MED14: variants seen among roughly 807,000 people sequenced by gnomAD.
MED14 encodes the protein mediator of RNA polymerase II transcription subunit 14.
A neutral mutation model predicts 109.0 loss-of-function variants in MED14; 8 were observed. The observed-to-expected ratio is 0.07, with a 90% CI of 0.04 to 0.13. MED14 has a LOEUF of 0.13. Ranked by LOEUF, MED14 falls within the 10% of genes least tolerant of loss-of-function variation. MED14 has a pLI of 1.00. For missense variants in MED14, 711 were observed against 1,142.4 expected (o/e 0.62, Z 5.44); for synonymous variants, 399 against 408.7 (o/e 0.98, Z 0.29).
chrX:40,682,565 T>C, intron 18 of MED14, 38 bp downstream of exon 18: 1 of 1,075,002 alleles, frequency 9.3e-7, no homozygotes, highest in Non-Finnish European at 1.2e-6. Context: ...GCTTTTTTTT[T>C]TTAATTTATT....
chrX:40,735,747 G>A (rs1487674707), upstream of MED14: 3 of 401,070 alleles, frequency 7.5e-6, no homozygotes, highest in South Asian at 2.6e-5. Flanking sequence ...GGCGGAAGTC[G>A]ATCGGCAGAG....
rs35345632 is a variant in MED14, at chrX:40,702,346, G to GTTTTTT, written c.1411+1092_1411+1097dup. ...AGAAAAACAGTTAAATATAAGTTTTGTTTTTTTTTTTTTTTTTTGAGACGG... is the reference window on the plus strand; with the variant it reads ...AGAAAAACAGTTAAATATAAGTTTTGTTTTTTTTTTTTTTTTTTTTTTTTGAGACGG... On this transcript the variant is annotated intron_variant, in intron 11 of 30. Coordinates refer to ENST00000324817, the MANE Select transcript of MED14 (RefSeq NM_004229.4). Among the ~76,000 whole-genome samples, 8 of 82,174 alleles carry GTTTTTT rather than the reference G, an allele frequency of 9.7e-5. 1 individual carries two copies. The highest frequency in any genetic ancestry group is 3.0e-4 in the African/African-American group (6 of 20,215). The allele number at this position is 82,174 out of a possible 115,157, so 71.4% of individuals were successfully genotyped here. A position where few individuals can be genotyped will look rare whatever the true frequency, so the allele number is the denominator to read the frequency against.
At chrX:40,714,910 A>C in intron 3 of MED14, 200 bp from the exon 4 acceptor site, 3 of 350,009 alleles carry the variant, frequency 8.6e-6, no homozygotes, top group Non-Finnish European at 9.7e-6. Context: ...AAGAGCAATA[A>C]TTTTCTGTCA....
chrX:40,723,668 A>G (rs1490786393), intron 3 of MED14, among the ~76,000 whole-genome samples: 2 of 21,334 alleles, frequency 9.4e-5, no homozygotes, highest in Non-Finnish European at 1.5e-4. Context: ...TCCGTCTCAG[A>G]AAAAAAAAAA....
chrX:40,707,100 CATAG>C (rs1931174346), intron 10 of MED14, among the ~76,000 whole-genome samples: 1 of 97,948 alleles, frequency 1.0e-5, no homozygotes, highest in South Asian at 4.6e-4. Context: ...AAAATAGATA[CATAG>C]ATGGATAGAT....
intron 23 of MED14, among the ~76,000 whole-genome samples, chrX:40,670,767 CAAAA>C (rs35103655): frequency 1.3e-5 from 1 of 79,194 alleles, no homozygotes. Context: ...GACTCTGTCT[CAAAA>C]AAAAAAAAAA....
chrX:40,677,243 A>C (rs1929938820), intron 21 of MED14, among the ~76,000 whole-genome samples: 1 of 112,339 alleles, frequency 8.9e-6, no homozygotes, highest in Admixed American at 9.4e-5. Flanking sequence ...TCTATGCAGA[A>C]GATTTGGATA....
At chrX:40,688,215 T>C (rs1930365265) in intron 16 of MED14, among the ~76,000 whole-genome samples, 1 of 111,498 alleles carries the variant, frequency 9.0e-6, no homozygotes, top group African/African-American at 3.3e-5. Flanking sequence ...AGCAACAGAA[T>C]GAGACTCTGT....
chrX:40,717,732 A>T, intron 3 of MED14, among the ~76,000 whole-genome samples: 1 of 111,571 alleles, frequency 9.0e-6, no homozygotes, highest in Non-Finnish European at 1.9e-5. Flanking sequence ...CATGCTGGCC[A>T]GGCTAGTCTC....
chrX:40,650,220 C>G lies in MED14; in HGVS notation c.*1586G>C, dbSNP rs1928813051. On this transcript the variant is annotated 3_prime_UTR_variant, in exon 31 of 31. Coordinates refer to ENST00000324817, the MANE Select transcript of MED14 (RefSeq NM_004229.4). Reference sequence around the variant, plus strand: ...AAGGATAAAAGTTTAGTCAACTGCTCCTGAACAGTGGCAGAGTTGGGTGAG... The same window carrying G: ...AAGGATAAAAGTTTAGTCAACTGCTGCTGAACAGTGGCAGAGTTGGGTGAG... 2 of 753,914 alleles carry G rather than the reference C, an allele frequency of 2.7e-6. No homozygotes were observed. The highest frequency in any genetic ancestry group is 1.3e-4 in the South Asian group (2 of 14,822). The allele number at this position is 753,914 out of a possible 1,213,427, so 62.1% of individuals were successfully genotyped here. A position where few individuals can be genotyped will look rare whatever the true frequency, so the allele number is the denominator to read the frequency against.
intron 10 of MED14, among the ~76,000 whole-genome samples, chrX:40,706,794 AACTT>A (rs1452664083): frequency 9.0e-6 from 1 of 111,262 alleles, no homozygotes; most frequent in South Asian, 3.7e-4. Flanking sequence ...TCTGTTTTTT[AACTT>A]ACTAAGTTTT....
intron 30 of MED14, among the ~76,000 whole-genome samples, chrX:40,652,983 A>G (rs1008997756): frequency 2.5e-4 from 27 of 106,046 alleles, no homozygotes; most frequent in African/African-American, 9.6e-4. Context: ...CCAAGGGGGG[A>G]AAAAAATGAA....
chrX:40,665,484 G>C (rs1181519841), intron 24 of MED14, among the ~76,000 whole-genome samples: 1 of 111,416 alleles, frequency 9.0e-6, no homozygotes, highest in Non-Finnish European at 1.9e-5. Context: ...AGTGCACTGA[G>C]ACTGCACCAC....
At chrX:40,677,170 T>C (rs1311602882) in intron 21 of MED14, among the ~76,000 whole-genome samples, 2 of 112,155 alleles carry the variant, frequency 1.8e-5, no homozygotes, top group Non-Finnish European at 3.8e-5. Context: ...AAAGTCTACA[T>C]AAATTTGAGA....
intron 22 of MED14, among the ~76,000 whole-genome samples, chrX:40,674,317 C>G (rs1216076580): frequency 8.9e-6 from 1 of 111,889 alleles, no homozygotes; most frequent in South Asian, 3.8e-4. Flanking sequence ...AATACAGCTT[C>G]CACAAAACCC....
chrX:40,710,541 C>T (rs1254901550), intron 8 of MED14, among the ~76,000 whole-genome samples: 2 of 111,399 alleles, frequency 1.8e-5, no homozygotes, highest in Admixed American at 9.6e-5. Context: ...GGAATTTTCT[C>T]CCAAAGAAAG....
chrX:40,697,808 A>G (rs1017452336), intron 12 of MED14, among the ~76,000 whole-genome samples: 1 of 112,213 alleles, frequency 8.9e-6, no homozygotes, highest in African/African-American at 3.2e-5. Flanking sequence ...TAACGATGCC[A>G]CAACATCCCA....
At chrX:40,655,220 T>C (rs1929013009) in intron 28 of MED14, among the ~76,000 whole-genome samples, 160 bp from the exon 29 acceptor site, 1 of 111,878 alleles carries the variant, frequency 8.9e-6, no homozygotes, top group South Asian at 3.7e-4. Context: ...ATACATGAAG[T>C]TGCTAACTGA....
chrX:40,732,700 A>G (rs1003182739), intron 1 of MED14, among the ~76,000 whole-genome samples: 1 of 110,081 alleles, frequency 9.1e-6, no homozygotes, highest in African/African-American at 3.3e-5. Flanking sequence ...GGAGCAGTTG[A>G]GCCCATGTCG....
Sources: allele counts gnomAD v4.1 joint callset (sites outside exome capture counted in the v4.1 genomes callset), GRCh38; gene constraint gnomAD v4.1.1; transcripts MANE v1.5; gene names NCBI Gene and HGNC (gene_info 2026-07-23, HGNC 2026-07-21).